ADGB: variants seen among roughly 807,000 people sequenced by gnomAD.
ADGB encodes the protein androglobin.
A neutral mutation model predicts 210.5 loss-of-function variants in ADGB; 172 were observed. That is an observed-to-expected ratio of 0.82 (90% CI 0.72 to 0.93). The LOEUF is 0.93. Ranked by LOEUF, ADGB falls within the 40% of genes least tolerant of loss-of-function variation. The pLI is 0.00. For missense variants in ADGB, 2,025 were observed against 1,964.8 expected, an observed-to-expected ratio of 1.03 and a Z score of -0.58; for synonymous variants, 658 against 662.7, an observed-to-expected ratio of 0.99 and a Z score of 0.11.
intron 33 of ADGB, among the ~76,000 whole-genome samples, chr6:146,794,221 A>G (rs1446746611): frequency 6.6e-6 from 1 of 152,164 alleles, no homozygotes; most frequent in African/African-American, 2.4e-5. Flanking sequence ...TTGAAGTTCC[A>G]CATAAGAAGA....
chr6:146,770,592 C>T (rs6902602), intron 29 of ADGB: 13,653 of 469,878 alleles, frequency 0.029, 522 homozygotes, highest in African/African-American at 0.12. Context: ...CATGAACATG[C>T]CACACCAGTG....
Position 146,635,515 on chromosome 6 carries a change from A to G in ADGB, c.215A>G (p.Lys72Arg). Residue 72 changes from lysine to arginine, a missense_variant, in exon 2 of 36, where the codon AAA becomes AGA. Coordinates refer to ENST00000397944, the MANE Select transcript of ADGB (RefSeq NM_024694.4). ...DAGKGAKEKD[K>R]TGKSPVFHFF... ...GGCAAAGGTGCAAAAGAAAAGGACA[A>G]AACAGGAAAAAGCCCTGTATTTGTA... 6.5e-7 allele frequency: 1 copy of G among 1,543,298 alleles called. No individual in the cohort carries two copies. The highest frequency in any genetic ancestry group is 1.4e-5 in the African/African-American group (1 of 72,628).
At chr6:146,665,301 A>C (rs1049233958) in intron 6 of ADGB, among the ~76,000 whole-genome samples, 74 of 152,138 alleles carry the variant, frequency 4.9e-4, no homozygotes, top group Non-Finnish European at 9.0e-4. Flanking sequence ...CAAAACAAAA[A>C]CAACCACTCC....
In ADGB at chr6:146,721,419, T is replaced by C; in HGVS notation, c.2009T>C (p.Val670Ala). 6.5e-7 allele frequency: 1 copy of C among 1,548,908 alleles called. No homozygotes were observed. Among genetic ancestry groups the C allele is most frequent in the Non-Finnish European group, 8.7e-7 (1 of 1,144,430 alleles). The change falls in exon 17 of 36, where the codon GTG becomes GCG. Residue 670 changes from valine (V) to alanine (A), a missense_variant. Coordinates refer to ENST00000397944, the MANE Select transcript of ADGB (RefSeq NM_024694.4). ...KSEFKFSEER[V>A]SYYLFVDSLK... ...TTCTTGCAGTTCTCAGAAGAACGAG[T>C]GTCCTACTATCTATTTGTAGATAGT...
intron 1 of ADGB, among the ~76,000 whole-genome samples, chr6:146,604,190 C>T (rs994349638): frequency 2.0e-5 from 3 of 152,130 alleles, no homozygotes; most frequent in Non-Finnish European, 4.4e-5. Flanking sequence ...TGGCCGAGGA[C>T]TTTGATTGTA....
chr6:146,700,174 A>T (rs1484803045), intron 12 of ADGB, among the ~76,000 whole-genome samples: 1 of 152,184 alleles, frequency 6.6e-6, no homozygotes, highest in African/African-American at 2.4e-5. Flanking sequence ...GACTGCTATC[A>T]CAACTTTCTG....
intron 25 of ADGB, among the ~76,000 whole-genome samples, chr6:146,743,649 C>G (rs1290228861): frequency 6.6e-6 from 1 of 152,208 alleles, no homozygotes; most frequent in Non-Finnish European, 1.5e-5. Flanking sequence ...CGCAGTGGCT[C>G]ATGCCCATAA....
At chr6:146,717,347 C>T (rs910821376) in intron 15 of ADGB, among the ~76,000 whole-genome samples, 189 bp from the exon 16 acceptor site, 5 of 152,106 alleles carry the variant, frequency 3.3e-5, no homozygotes, top group Non-Finnish European at 7.4e-5. Flanking sequence ...TCCTCAAAGG[C>T]TTGTTTCTTA....
At chr6:146,608,347 G>A (rs9497578) in intron 1 of ADGB, among the ~76,000 whole-genome samples, 1 of 151,722 alleles carries the variant, frequency 6.6e-6, no homozygotes, top group South Asian at 2.1e-4. Context: ...TTGATCTCTT[G>A]TATGGTTTTT....
chr6:146,601,220 A>G (rs1243616018), intron 1 of ADGB, among the ~76,000 whole-genome samples: 1 of 152,112 alleles, frequency 6.6e-6, no homozygotes, highest in Non-Finnish European at 1.5e-5. Flanking sequence ...AAGACTGTCT[A>G]TTTCTTTTTG....
intron 35 of ADGB, chr6:146,803,327 A>G: frequency 6.2e-7 from 1 of 1,608,934 alleles, no homozygotes; most frequent in Non-Finnish European, 8.5e-7. Flanking sequence ...AAGAACCAGA[A>G]TCACTGGAGT....
intron 26 of ADGB, 133 bp from the exon 27 acceptor site, chr6:146,752,397 C>T (rs558000049): frequency 4.1e-6 from 3 of 730,504 alleles, no homozygotes; most frequent in South Asian, 4.4e-5. Flanking sequence ...TCTCACCAGG[C>T]CCCACCTCAA....
chr6:146,772,832 G>A (rs1197062829), intron 29 of ADGB, among the ~76,000 whole-genome samples: 1 of 151,820 alleles, frequency 6.6e-6, no homozygotes, highest in African/African-American at 2.4e-5. Flanking sequence ...AGGAAGTGAG[G>A]GTAAAATAGT....
rs576659351 is a variant in ADGB, at chr6:146,798,326, C to A, written c.4538-2857C>A. Among the ~76,000 whole-genome samples, 4 of 152,158 alleles carry A rather than the reference C, an allele frequency of 2.6e-5. No homozygotes were observed. The South Asian group carries it at 6.2e-4, about 24-fold the overall frequency. On this transcript the variant is annotated intron_variant, in intron 33 of 35. Transcript: ENST00000397944. ...ATTATTATAAAACTATATTGTTGGGCTTATAATGTACAAACATATATAAAA... is the reference window on the plus strand; with the variant it reads ...ATTATTATAAAACTATATTGTTGGGATTATAATGTACAAACATATATAAAA...
At chr6:146,704,021 A>G (rs1274948052) in intron 13 of ADGB, among the ~76,000 whole-genome samples, 1 of 152,020 alleles carries the variant, frequency 6.6e-6, no homozygotes, top group African/African-American at 2.4e-5. Context: ...GTGAAGTGAT[A>G]TCTCACTGTG....
Position 146,801,812 on chromosome 6 carries a change from T to A in ADGB, c.4635-16T>A. On this transcript the variant is annotated splice_polypyrimidine_tract_variant and intron_variant, in intron 34 of 35. Coordinates refer to ENST00000397944, the MANE Select transcript of ADGB (RefSeq NM_024694.4). Reference sequence around the variant, plus strand: ...CCCAAATGAAATCTGTATCTTTTGATGACTTTTGTATCAAGGAAAACAGAT... The same window carrying A: ...CCCAAATGAAATCTGTATCTTTTGAAGACTTTTGTATCAAGGAAAACAGAT... The A allele has an allele frequency of 6.6e-7, 1 of 1,518,098 alleles. No individual in the cohort carries two copies. Among genetic ancestry groups the A allele is most frequent in the Non-Finnish European group, 8.8e-7 (1 of 1,130,618 alleles). 94.0% of individuals were successfully genotyped at this position (1,518,098 alleles called of 1,614,324 possible). A position where few individuals can be genotyped will look rare whatever the true frequency, so the allele number is the denominator to read the frequency against.
chr6:146,646,243 G>A (rs529633082), intron 3 of ADGB, among the ~76,000 whole-genome samples: 1 of 152,124 alleles, frequency 6.6e-6, no homozygotes, highest in South Asian at 2.1e-4. Flanking sequence ...AGTATCAATG[G>A]TCAAGGTTTT....
At chr6:146,774,399 G>A (rs150128922) in intron 29 of ADGB, among the ~76,000 whole-genome samples, 234 of 152,174 alleles carry the variant, frequency 1.5e-3, no homozygotes, top group African/African-American at 5.4e-3. Context: ...AAATAATTAC[G>A]TTTTCTTTCC....
chr6:146,729,381 G>T (rs1218384271), intron 20 of ADGB, among the ~76,000 whole-genome samples: 1 of 152,106 alleles, frequency 6.6e-6, no homozygotes, highest in Non-Finnish European at 1.5e-5. Flanking sequence ...TTCTTTAAAT[G>T]TTTTGTAAAA....
Sources: gnomAD v4.1 joint callset for allele counts (sites outside exome capture counted in the v4.1 genomes callset) on GRCh38, gnomAD v4.1.1 for gene constraint, MANE v1.5 for transcripts, NCBI Gene and HGNC (gene_info 2026-07-23, HGNC 2026-07-21) for gene names.